The following PTPRG variants were observed in gnomAD, a reference collection of about 807,000 sequenced individuals.
The protein encoded by PTPRG is receptor-type tyrosine-protein phosphatase gamma.
PTPRG carries 102 observed loss-of-function variants against 165.3 expected under a neutral mutation model. The observed-to-expected ratio is 0.62, with a 90% CI of 0.53 to 0.73. The LOEUF (loss-of-function observed/expected upper bound fraction) is 0.73, where lower values mean the gene tolerates loss of function less well. Ranked by LOEUF, PTPRG falls within the 30% of genes least tolerant of loss-of-function variation. PTPRG has a pLI of 0.00. For synonymous variants in PTPRG, 675 were observed against 669.5 expected (o/e 1.01, Z -0.13); for missense variants, 1,866 against 1,861.4 (o/e 1.00, Z -0.05).
chr3:61,909,407 T>C (rs1479980205), intron 2 of PTPRG, among the ~76,000 whole-genome samples: 2 of 152,186 alleles, frequency 1.3e-5, no homozygotes, highest in African/African-American at 4.8e-5. Context: ...TAGAGTGCAA[T>C]GCTGTGATCA....
intron 8 of PTPRG, among the ~76,000 whole-genome samples, chr3:62,173,179 T>C (rs1705284189): frequency 6.6e-6 from 1 of 152,238 alleles, no homozygotes; most frequent in Non-Finnish European, 1.5e-5. Context: ...GTAAATGCCA[T>C]GTAAATAGTT....
At chr3:61,862,380 CT>C (rs5849448) in intron 2 of PTPRG, among the ~76,000 whole-genome samples, 43,315 of 125,060 alleles carry the variant, frequency 0.35, 6,335 homozygotes, top group East Asian at 0.54. Flanking sequence ...ATTACTCAGA[CT>C]TTTTTTTTTT....
At position 62,293,234 on chromosome 3, in the gene PTPRG, C is replaced by CA; in HGVS notation, c.4266dup (p.Val1423SerfsTer12). 1 of 1,611,966 alleles carries CA rather than the reference C, an allele frequency of 6.2e-7. No homozygotes were observed. Among genetic ancestry groups the CA allele is most frequent in the Non-Finnish European group, 8.5e-7 (1 of 1,179,116 alleles). ...AAAGAAAATGGAAATGGTCCCATGA[C>CA]AGTAGACAAAAATGGTGCTGTTCTT... is the stretch of plus-strand genomic sequence containing the variant. On this transcript the variant is annotated frameshift_variant, in exon 30 of 30. Coordinates refer to ENST00000474889, the MANE Select transcript of PTPRG (RefSeq NM_002841.4). LOFTEE classifies it high-confidence loss of function.
In PTPRG at chr3:62,218,953, T is replaced by C; in HGVS notation, c.2258T>C (p.Ile753Thr). The C allele has an allele frequency of 1.2e-6, 2 of 1,614,172 alleles. No homozygotes were observed. The highest frequency in any genetic ancestry group is 1.7e-6 in the Non-Finnish European group (2 of 1,180,008). ...VVSALTFVCL[I>T]LLIAVLVYWR... ...TCAGCCTTGACCTTCGTGTGCCTCA[T>C]CCTTCTCATTGCTGTGCTCGTTTAC... Residue 753 changes from isoleucine to threonine, a missense_variant, in exon 13 of 30, where the codon ATC becomes ACC. By Grantham distance (89) the Ile-to-Thr change is moderately conservative. This residue lies in a region of PTPRG where 1,452 missense variants were observed against 1,463.0 expected (regional missense o/e 0.99). Coordinates refer to ENST00000474889, the MANE Select transcript of PTPRG (RefSeq NM_002841.4).
intron 1 of PTPRG, among the ~76,000 whole-genome samples, chr3:61,722,359 A>G (rs2032088300): frequency 1.3e-5 from 2 of 152,172 alleles, no homozygotes; most frequent in Admixed American, 6.5e-5. Flanking sequence ...CTACCTCTCA[A>G]CACCACTGCA....
intron 5 of PTPRG, among the ~76,000 whole-genome samples, chr3:62,082,194 T>C (rs1458641088): frequency 6.6e-6 from 1 of 152,102 alleles, no homozygotes; most frequent in Non-Finnish European, 1.5e-5. Flanking sequence ...CTAGAATAAT[T>C]TTTTTTTACC....
At chr3:61,611,565 T>A (rs2106873893) in intron 1 of PTPRG, among the ~76,000 whole-genome samples, 1 of 152,334 alleles carries the variant, frequency 6.6e-6, no homozygotes, top group South Asian at 2.1e-4. Flanking sequence ...AGTAAGTACA[T>A]TTTTCTAGTG....
At chr3:61,883,873 A>C (rs1384761766) in intron 2 of PTPRG, among the ~76,000 whole-genome samples, 4 of 152,216 alleles carry the variant, frequency 2.6e-5, no homozygotes, top group East Asian at 3.9e-4. Context: ...CAGCATACCT[A>C]GCTAATTTCT....
At chr3:62,216,133 G>A (rs1043246694) in intron 12 of PTPRG, among the ~76,000 whole-genome samples, 7 of 151,814 alleles carry the variant, frequency 4.6e-5, no homozygotes, top group African/African-American at 7.3e-5. Context: ...TGGGAGGATC[G>A]CTTGAGCGTG....
chr3:62,182,115 G>C (rs148057268), intron 8 of PTPRG, among the ~76,000 whole-genome samples: 1 of 152,166 alleles, frequency 6.6e-6, no homozygotes, highest in South Asian at 2.1e-4. Flanking sequence ...TTCATTAAAT[G>C]GGAGTGGATC....
intron 7 of PTPRG, among the ~76,000 whole-genome samples, chr3:62,164,650 A>T (rs2106722439): frequency 6.6e-6 from 1 of 152,330 alleles, no homozygotes; most frequent in African/African-American, 2.4e-5. Context: ...TAAGTTAATA[A>T]CAAGGAAGCC....
chr3:61,610,863 A>G (rs766985544), intron 1 of PTPRG, among the ~76,000 whole-genome samples: 2 of 149,288 alleles, frequency 1.3e-5, no homozygotes, highest in Admixed American at 6.8e-5. Context: ...CTGGAGTGCA[A>G]TTGCACTATC....
intron 1 of PTPRG, among the ~76,000 whole-genome samples, chr3:61,747,909 CCTGTGACAT>C (rs2033274207): frequency 6.6e-6 from 1 of 152,088 alleles, no homozygotes; most frequent in South Asian, 2.1e-4. Context: ...TTTTGAGGCA[CCTGTGACAT>C]TTGTCTTCTT....
rs60917362 is a variant in PTPRG at position 61,667,794 on chromosome 3, T to TAAA, written c.86-81071_86-81069dup. Among the ~76,000 whole-genome samples, 316 of 141,852 alleles carry TAAA rather than the reference T, an allele frequency of 2.2e-3. 1 individual carries two copies. The highest frequency in any genetic ancestry group is 5.2e-3 in the African/African-American group (204 of 39,086). 93.1% of individuals were successfully genotyped at this position (141,852 alleles called of 152,430 possible). Reference sequence around the variant, plus strand: ...TCTCTTTAAACAAAATTTTTTTAATTAAAAAAAAAAAAAAAGTCAGTCTGG... The same window carrying TAAA: ...TCTCTTTAAACAAAATTTTTTTAATTAAAAAAAAAAAAAAAAAAGTCAGTCTGG... On this transcript the variant is annotated intron_variant, in intron 1 of 29. Transcript: ENST00000474889.
chr3:61,673,783 T>C (rs548895836), intron 1 of PTPRG, among the ~76,000 whole-genome samples: 8 of 152,194 alleles, frequency 5.3e-5, no homozygotes, highest in Admixed American at 1.3e-4. Flanking sequence ...CTTGACTGGA[T>C]TGGGAGGATT....
intron 5 of PTPRG, chr3:62,118,637 A>G (rs1031071869): frequency 6.6e-5 from 10 of 152,232 alleles, no homozygotes; most frequent in African/African-American, 2.4e-4. Context: ...TCTTAATTCC[A>G]TACCACTTTT....
chr3:61,672,476 G>A (rs910331767), intron 1 of PTPRG, among the ~76,000 whole-genome samples: 4 of 146,552 alleles, frequency 2.7e-5, no homozygotes, highest in Non-Finnish European at 6.0e-5. Context: ...CCGGCACCTC[G>A]GGAGGCCGAG....
chr3:61,592,411 G>T (rs1700593130), intron 1 of PTPRG, among the ~76,000 whole-genome samples: 1 of 152,084 alleles, frequency 6.6e-6, no homozygotes, highest in Non-Finnish European at 1.5e-5. Context: ...TACAATGTTG[G>T]ATGAGCCCAA....
At chr3:61,642,862 A>T (rs377036986) in intron 1 of PTPRG, among the ~76,000 whole-genome samples, 2 of 152,334 alleles carry the variant, frequency 1.3e-5, no homozygotes, top group African/African-American at 4.8e-5. Context: ...TCTGGGCATG[A>T]GACATCGACA....
Sources: allele counts gnomAD v4.1 joint callset (sites outside exome capture counted in the v4.1 genomes callset), GRCh38; gene constraint gnomAD v4.1.1; regional missense constraint gnomAD v4.1.1; transcripts MANE v1.5; gene names NCBI Gene and HGNC (gene_info 2026-07-23, HGNC 2026-07-21).